The following UBXN2A variants were observed in gnomAD, a reference collection of about 807,000 sequenced individuals.
UBXN2A encodes the protein UBX domain protein 2A.
UBXN2A carries 28 observed loss-of-function variants against 28.4 expected under a neutral mutation model. That is an observed-to-expected ratio of 0.99 (90% CI 0.73 to 1.35). UBXN2A has a LOEUF of 1.35. Among genes scored for constraint, UBXN2A ranks in the 40% most tolerant of loss-of-function variants. The pLI is 0.00. For missense variants in UBXN2A, 253 were observed against 297.9 expected (o/e 0.85, Z 1.11); for synonymous variants, 97 against 103.6 (o/e 0.94, Z 0.39).
intron 6 of UBXN2A, among the ~76,000 whole-genome samples, chr2:23,991,672 A>G (rs1397802988): frequency 6.6e-6 from 1 of 152,006 alleles, no homozygotes; most frequent in Non-Finnish European, 1.5e-5. Flanking sequence ...AGGGTTTGCC[A>G]TGTTGGCCAG....
intron 6 of UBXN2A, among the ~76,000 whole-genome samples, chr2:23,998,427 G>A (rs1708622196): frequency 6.6e-6 from 1 of 152,022 alleles, no homozygotes; most frequent in Non-Finnish European, 1.5e-5. Context: ...AGAATAATGG[G>A]TAAGAATCTT....
At chr2:23,996,068 T>A (rs1708520233) in intron 6 of UBXN2A, among the ~76,000 whole-genome samples, 1 of 149,086 alleles carries the variant, frequency 6.7e-6, no homozygotes, top group Admixed American at 6.7e-5. Flanking sequence ...CTGGCTAATT[T>A]TTTTTTTTTT....
intron 1 of UBXN2A, among the ~76,000 whole-genome samples, chr2:23,928,221 GGAAAGAAA>G (rs200734112): frequency 6.7e-6 from 1 of 149,650 alleles, no homozygotes; most frequent in Non-Finnish European, 1.5e-5. Flanking sequence ...AAGAAAGAAA[GGAAAGAAA>G]GAAAGAAAAA....
chr2:23,984,867 C>G, intron 6 of UBXN2A, 36 bp downstream of exon 6: 2 of 1,528,262 alleles, frequency 1.3e-6, no homozygotes, highest in Non-Finnish European at 1.7e-6. Flanking sequence ...TATTTTTTCA[C>G]CAAGTTAAAA....
intron 2 of UBXN2A, among the ~76,000 whole-genome samples, chr2:23,969,960 A>G (rs887857795): frequency 6.6e-6 from 1 of 152,208 alleles, no homozygotes; most frequent in Non-Finnish European, 1.5e-5. Context: ...AAAAACGCAT[A>G]GTAATCCCTT....
At chr2:23,964,830 A>G (rs1707097292) in intron 2 of UBXN2A, among the ~76,000 whole-genome samples, 1 of 152,196 alleles carries the variant, frequency 6.6e-6, no homozygotes, top group Non-Finnish European at 1.5e-5. Flanking sequence ...TTATTATTAT[A>G]GGAACTCCTG....
chr2:23,935,326 C>T (rs1705490685), intron 1 of UBXN2A, among the ~76,000 whole-genome samples: 1 of 152,010 alleles, frequency 6.6e-6, no homozygotes, highest in African/African-American at 2.4e-5. Flanking sequence ...AATCACATAT[C>T]TGATAAGGGA....
At chr2:23,998,603 C>T (rs1015768049) in intron 6 of UBXN2A, among the ~76,000 whole-genome samples, 3 of 152,086 alleles carry the variant, frequency 2.0e-5, no homozygotes, top group Non-Finnish European at 4.4e-5. Flanking sequence ...GCCTATAATC[C>T]CAGCTACTAG....
chr2:23,971,414 G>T lies in UBXN2A; in HGVS notation c.180G>T (p.Gln60His). Residue 60 changes from glutamine to histidine, a missense_variant and splice_region_variant, in exon 3 of 7, where the codon CAG becomes CAT. By Grantham distance (24) the Gln-to-His change is conservative. Coordinates refer to ENST00000309033, the MANE Select transcript of UBXN2A (RefSeq NM_181713.4). ...KCVSPAEQKKQVDVNIKLWKN... is the reference protein window; with the variant it reads ...KCVSPAEQKKHVDVNIKLWKN... ...TGTCTCCCGCTGAACAGAAGAAACA[G>T]GTAAATAAATGTCTATTACTTTTCT... The T allele has an allele frequency of 6.5e-7, 1 of 1,531,882 alleles. No individual in the cohort carries two copies. Among genetic ancestry groups the T allele is most frequent in the Non-Finnish European group, 8.9e-7 (1 of 1,128,890 alleles). 94.9% of individuals were successfully genotyped at this position (1,531,882 alleles called of 1,614,324 possible).
chr2:23,988,631 G>A (rs1346713070), intron 6 of UBXN2A, among the ~76,000 whole-genome samples: 1 of 152,122 alleles, frequency 6.6e-6, no homozygotes, highest in Admixed American at 6.6e-5. Flanking sequence ...CTCGATTAAA[G>A]TGGTGTCTAC....
intron 1 of UBXN2A, among the ~76,000 whole-genome samples, chr2:23,942,969 T>G (rs894629557): frequency 1.1e-4 from 17 of 148,760 alleles, no homozygotes; most frequent in Non-Finnish European, 2.2e-4. Flanking sequence ...ACAAACAACT[T>G]TTTTTTTTTT....
rs373052098 is a variant in UBXN2A, at chr2:23,990,923, A to C, written c.584+6092A>C. On this transcript the variant is annotated intron_variant, in intron 6 of 6. Transcript: ENST00000309033. ...AGTAAAACTGTCCTTAAAAGCTACT[A>C]AGCCATGACTACTCTTCTCCTACCC... 1.1e-3 allele frequency among the ~76,000 whole-genome samples: 168 copies of C among 152,278 alleles called. 3 individuals carry two copies. In the South Asian group the frequency reaches 0.033, roughly 30 times the overall value.
intron 1 of UBXN2A, among the ~76,000 whole-genome samples, chr2:23,949,335 G>T (rs988804355): frequency 2.6e-5 from 4 of 151,790 alleles, no homozygotes; most frequent in African/African-American, 9.7e-5. Context: ...ACTGTGGGAG[G>T]CCGAGGTGGG....
chr2:23,990,317 G>A (rs1460794004), intron 6 of UBXN2A, among the ~76,000 whole-genome samples: 1 of 151,550 alleles, frequency 6.6e-6, no homozygotes. Context: ...GCAGTCAACT[G>A]CTCTTCCATA....
intron 1 of UBXN2A, among the ~76,000 whole-genome samples, chr2:23,946,083 G>C (rs182190689): frequency 6.6e-6 from 1 of 152,108 alleles, no homozygotes; most frequent in Non-Finnish European, 1.5e-5. Context: ...TTGCCCCCTT[G>C]GGCCTCCCAA....
At chr2:23,988,601 T>C (rs1328151907) in intron 6 of UBXN2A, among the ~76,000 whole-genome samples, 2 of 152,226 alleles carry the variant, frequency 1.3e-5, no homozygotes, top group South Asian at 2.1e-4. Flanking sequence ...TGTCCCATTA[T>C]GATGATGTTA....
intron 1 of UBXN2A, among the ~76,000 whole-genome samples, chr2:23,942,651 T>C (rs1705825230): frequency 6.6e-6 from 1 of 151,956 alleles, no homozygotes; most frequent in African/African-American, 2.4e-5. Flanking sequence ...AATCCTGACC[T>C]CTGGTGATCC....
chr2:23,944,193 A>G lies in UBXN2A; in HGVS notation c.-15+3545A>G. On this transcript the variant is annotated intron_variant, in intron 1 of 6. Coordinates refer to ENST00000309033, the MANE Select transcript of UBXN2A (RefSeq NM_181713.4). ...GGGGCCAGCACTGATGGACACAACT[A>G]AGTTTGCACTCGTCTTCCCTCTCAT... The G allele has an allele frequency of 1.4e-6, 2 of 1,454,910 alleles. 1 individual carries two copies. Among genetic ancestry groups the G allele is most frequent in the South Asian group, 2.3e-5 (2 of 88,170 alleles). The allele number at this position is 1,454,910 out of a possible 1,614,324, so 90.1% of individuals were successfully genotyped here.
intron 1 of UBXN2A, among the ~76,000 whole-genome samples, chr2:23,953,391 A>G (rs1558284775): frequency 6.6e-6 from 1 of 152,070 alleles, no homozygotes; most frequent in Admixed American, 6.6e-5. Flanking sequence ...CCACTCCCCA[A>G]TCCACTTGAT....
Sources: gnomAD v4.1 joint callset for allele counts (sites outside exome capture counted in the v4.1 genomes callset) on GRCh38, gnomAD v4.1.1 for gene constraint, MANE v1.5 for transcripts, NCBI Gene and HGNC (gene_info 2026-07-23, HGNC 2026-07-21) for gene names.